DCC: variants seen among roughly 807,000 people sequenced by gnomAD.
DCC encodes the protein DCC netrin 1 receptor, also known as netrin receptor DCC.
A neutral mutation model predicts 172.5 loss-of-function variants in DCC; 58 were observed. The ratio of observed to expected loss-of-function variants is 0.34; its 90% CI spans 0.27 to 0.42. DCC has a LOEUF of 0.42. DCC is among the 10% of genes least tolerant of loss of function. The pLI is 1.00. For missense variants in DCC, 1,740 were observed against 1,791.0 expected (o/e 0.97, Z 0.51); for synonymous variants, 709 against 644.5 (o/e 1.10, Z -1.52).
chr18:52,908,335 A>G (rs1296062364), intron 3 of DCC, among the ~76,000 whole-genome samples: 1 of 152,216 alleles, frequency 6.6e-6, no homozygotes, highest in Non-Finnish European at 1.5e-5. Context: ...TAACACTTAC[A>G]TTTCATCCGC....
intron 1 of DCC, among the ~76,000 whole-genome samples, chr18:52,661,065 G>T (rs2035349177): frequency 6.6e-6 from 1 of 152,110 alleles, no homozygotes. Context: ...AAGGATGGCA[G>T]GTAGCAAAAA....
At chr18:52,905,622 C>T (rs1309623828) in intron 2 of DCC, among the ~76,000 whole-genome samples, 1 of 152,070 alleles carries the variant, frequency 6.6e-6, no homozygotes, top group Non-Finnish European at 1.5e-5. Context: ...ATCCTTTGTC[C>T]AAAGTGGGGT....
At chr18:52,874,908 G>A (rs2039378371) in intron 2 of DCC, among the ~76,000 whole-genome samples, 1 of 152,136 alleles carries the variant, frequency 6.6e-6, no homozygotes, top group South Asian at 2.1e-4. Flanking sequence ...GGAAAGGCAA[G>A]GCAGGGAAGG....
At chr18:53,072,241 G>A (rs1372598072) in intron 7 of DCC, among the ~76,000 whole-genome samples, 1 of 152,146 alleles carries the variant, frequency 6.6e-6, no homozygotes, top group Non-Finnish European at 1.5e-5. Flanking sequence ...ATACTGGATG[G>A]TGATAAATTA....
At chr18:53,498,708 G>A (rs577606165) in intron 26 of DCC, among the ~76,000 whole-genome samples, 23 of 152,222 alleles carry the variant, frequency 1.5e-4, no homozygotes, top group Middle Eastern at 3.4e-3. Flanking sequence ...TTGCAATTCC[G>A]CATTCAGGCA....
chr18:53,348,129 G>A (rs969101861), intron 15 of DCC, among the ~76,000 whole-genome samples: 21 of 152,108 alleles, frequency 1.4e-4, no homozygotes, highest in South Asian at 4.1e-4. Context: ...CATCTGACAC[G>A]AAGGAAGTCC....
intron 17 of DCC, among the ~76,000 whole-genome samples, chr18:53,396,413 T>A (rs1331194764): frequency 6.6e-6 from 1 of 152,172 alleles, no homozygotes; most frequent in African/African-American, 2.4e-5. Context: ...AACTATAATT[T>A]ACTTTCTACT....
intron 5 of DCC, among the ~76,000 whole-genome samples, chr18:53,046,411 T>G (rs1382409956): frequency 2.0e-5 from 3 of 151,858 alleles, no homozygotes; most frequent in Non-Finnish European, 4.4e-5. Context: ...CTTATGTGAA[T>G]TGTTCAAGCT....
chr18:53,060,379 T>G (rs1599082841), intron 5 of DCC, among the ~76,000 whole-genome samples: 2 of 152,216 alleles, frequency 1.3e-5, no homozygotes, highest in African/African-American at 4.8e-5. Context: ...AACTCCCCAT[T>G]TAAGTGAGAA....
intron 10 of DCC, among the ~76,000 whole-genome samples, chr18:53,206,372 C>T (rs1277975141): frequency 5.2e-5 from 2 of 38,232 alleles, no homozygotes; most frequent in African/African-American, 1.7e-4. Context: ...TGTATTGTAA[C>T]ACATATATGT....
intron 2 of DCC, among the ~76,000 whole-genome samples, chr18:52,886,134 C>T (rs747538435): frequency 2.0e-5 from 3 of 151,888 alleles, no homozygotes; most frequent in Non-Finnish European, 4.4e-5. Context: ...AGAAGAGGGC[C>T]GCAAGCACTC....
At chr18:53,051,935 T>TA (rs2042339472) in intron 5 of DCC, among the ~76,000 whole-genome samples, 1 of 152,066 alleles carries the variant, frequency 6.6e-6, no homozygotes, top group Non-Finnish European at 1.5e-5. Context: ...TCTGTCCCAT[T>TA]TGTGGGCTTA....
chr18:52,593,198 G>T (rs1424438048), intron 1 of DCC, among the ~76,000 whole-genome samples: 1 of 152,176 alleles, frequency 6.6e-6, no homozygotes, highest in South Asian at 2.1e-4. Context: ...AGTTGGCTAA[G>T]CTTCTTCTCT....
intron 2 of DCC, among the ~76,000 whole-genome samples, chr18:52,815,675 CA>C (rs1304593422): frequency 7.9e-5 from 12 of 152,008 alleles, no homozygotes; most frequent in Non-Finnish European, 1.6e-4. Context: ...TTCATGTTTA[CA>C]AAACAAAATA....
intron 1 of DCC, among the ~76,000 whole-genome samples, chr18:52,347,698 A>G (rs984252556): frequency 1.3e-5 from 2 of 152,170 alleles, no homozygotes; most frequent in African/African-American, 4.8e-5. Flanking sequence ...TGAATCCCTT[A>G]TTAGAGGAAT....
chr18:52,917,181 G>A (rs9958907), intron 3 of DCC, among the ~76,000 whole-genome samples: 58,252 of 149,252 alleles, frequency 0.39, 11,999 homozygotes, highest in Non-Finnish European at 0.47. Context: ...TTGGCTGGAC[G>A]TAGTGACATG....
chr18:52,534,199 T>C (rs571865113), intron 1 of DCC, among the ~76,000 whole-genome samples: 89 of 152,288 alleles, frequency 5.8e-4, no homozygotes, highest in Non-Finnish European at 1.2e-3. Context: ...TTATTAAAAC[T>C]ATCAGGCACT....
At chr18:53,170,912 G>T (rs758308261) in intron 8 of DCC, among the ~76,000 whole-genome samples, 4 of 152,058 alleles carry the variant, frequency 2.6e-5, no homozygotes, top group African/African-American at 9.7e-5. Context: ...TTAAAACAAG[G>T]TCTTACTCTG....
intron 15 of DCC, among the ~76,000 whole-genome samples, chr18:53,353,529 T>C (rs1599056241): frequency 1.2e-5 from 1 of 83,124 alleles, no homozygotes; most frequent in Middle Eastern, 6.6e-3. Flanking sequence ...ACTGGTGTCA[T>C]TTTTTTTTAC....
Sources: gnomAD v4.1 joint callset for allele counts (sites outside exome capture counted in the v4.1 genomes callset) on GRCh38, gnomAD v4.1.1 for gene constraint, MANE v1.5 for transcripts, NCBI Gene and HGNC (gene_info 2026-07-23, HGNC 2026-07-21) for gene names.